SLC27A5: variants seen among roughly 807,000 people sequenced by gnomAD.
SLC27A5 encodes the protein long-chain fatty acid transport protein 5.
Under a neutral mutation model 63.1 loss-of-function variants are expected in SLC27A5, and 47 were observed. That is an observed-to-expected ratio of 0.74 (90% CI 0.59 to 0.95). The LOEUF (loss-of-function observed/expected upper bound fraction) is 0.95, where lower values mean the gene tolerates loss of function less well. SLC27A5 is among the 40% of genes least tolerant of loss of function. The pLI is 0.00. For synonymous variants in SLC27A5, 391 were observed against 403.8 expected (o/e 0.97, Z 0.38); for missense variants, 940 against 921.0 (o/e 1.02, Z -0.27).
In SLC27A5 at chr19:58,498,699, G is replaced by A. The variant is rs772852579; in HGVS notation, c.1897-8C>T. On this transcript the variant is annotated splice_region_variant and splice_polypyrimidine_tract_variant and intron_variant, in intron 9 of 9. Transcript: ENST00000263093. ...GGTGACCTCCATGGCGTCCTGCAGG[G>A]CAGTGACCATGGTCCAATCACTGTG... The A allele has an allele frequency of 6.2e-7, 1 of 1,613,208 alleles. No individual in the cohort carries two copies. The highest frequency in any genetic ancestry group is 1.3e-5 in the African/African-American group (1 of 75,028).
intron 4 of SLC27A5, 23 bp downstream of exon 4, chr19:58,501,263 G>A: frequency 6.2e-7 from 1 of 1,608,578 alleles, no homozygotes; most frequent in Non-Finnish European, 8.5e-7. Context: ...GTTCACCATG[G>A]AGCCCTAATC....
Position 58,500,607 on chromosome 19 carries a change from T to A in SLC27A5, c.1282A>T (p.Ile428Phe). ...TFQQRFGPIRIWEVYGSTEGN... is the reference protein window; with the variant it reads ...TFQQRFGPIRFWEVYGSTEGN... Reference sequence around the variant, plus strand: ...TCTGTGGAGCCGTAGACTTCCCAGATCCGAATAGGACCGAAGCGCTGCTGG... The same window carrying A: ...TCTGTGGAGCCGTAGACTTCCCAGAACCGAATAGGACCGAAGCGCTGCTGG... The change falls in exon 5 of 10, where the codon ATC (isoleucine) becomes TTC (phenylalanine). Residue 428 changes from isoleucine (I) to phenylalanine (F), a missense_variant. Physicochemically the swap from Ile to Phe is conservative, Grantham distance 21. Coordinates refer to ENST00000263093, the MANE Select transcript of SLC27A5 (RefSeq NM_012254.3). 6.2e-7 allele frequency: 1 copy of A among 1,614,048 alleles called. No homozygotes were observed. The highest frequency in any genetic ancestry group is 1.1e-5 in the South Asian group (1 of 91,078).
In SLC27A5 at chr19:58,499,078, C is replaced by A. The variant is rs761352933; in HGVS notation, c.1765+45G>T. The A allele has an allele frequency of 5.6e-6, 9 of 1,609,428 alleles. No individual in the cohort carries two copies. In the African/African-American group the frequency reaches 1.1e-4, roughly 19 times the overall value. ...CTGTAAAATCAGAATAACGACCCCT[C>A]CACCCACAAAGCTGTTGGAAGTTTA... is the stretch of plus-strand genomic sequence containing the variant. On this transcript the variant is annotated intron_variant, in intron 8 of 9. Transcript: ENST00000263093.
At chr19:58,500,204 C>T (rs1303147437) in intron 6 of SLC27A5, 135 bp downstream of exon 6, 11 of 710,602 alleles carry the variant, frequency 1.5e-5, no homozygotes, top group South Asian at 8.5e-5. Context: ...AGGCCACTGG[C>T]TCAGGGTCCA....
chr19:58,510,326 C>A, intron 2 of SLC27A5: 1 of 355,710 alleles, frequency 2.8e-6, no homozygotes, highest in Non-Finnish European at 5.1e-6. Flanking sequence ...GTAATCCCAG[C>A]ATTTTGAGAG....
chr19:58,501,307 C>T lies in SLC27A5; in HGVS notation c.1161G>A (p.Arg387=), dbSNP rs201004329. ...TCACCTGGGGAATGTTACACAAGTA[C>T]CGCAGGAGCTCGCCCACATACAGGA... ...TVILYVGELL[R]YLCNIPQQPE... is the part of the protein sequence containing the mutation. The change falls in exon 4 of 10, where the codon CGG becomes CGA. Residue 387 remains arginine, a synonymous_variant. Coordinates refer to ENST00000263093, the MANE Select transcript of SLC27A5 (RefSeq NM_012254.3). 5.0e-6 allele frequency: 8 copies of T among 1,613,674 alleles called. No homozygotes were observed. The East Asian group carries it at 1.6e-4, about 31-fold the overall frequency.
At position 58,500,574 on chromosome 19, in the gene SLC27A5, T is replaced by C. The variant is rs886044091; in HGVS notation, c.1315A>G (p.Met439Val). The C allele has an allele frequency of 3.7e-6, 6 of 1,613,906 alleles. No homozygotes were observed. In the African/African-American group the frequency reaches 4.0e-5, roughly 11 times the overall value. The change falls in exon 5 of 10, where the codon ATG becomes GTG. Residue 439 changes from methionine (M) to valine (V), a missense_variant. Transcript: ENST00000263093. ...CGCCCCACATAGTTGACTAAGCCCA[T>C]GTTGCCTTCTGTGGAGCCGTAGACT... ...WEVYGSTEGN[M>V]GLVNYVGRCG...
chr19:58,500,436 T>A lies in SLC27A5; in HGVS notation c.1378-7A>T. The A allele has an allele frequency of 6.2e-7, 1 of 1,613,516 alleles. No individual in the cohort carries two copies. The highest frequency in any genetic ancestry group is 8.5e-7 in the Non-Finnish European group (1 of 1,179,924). The stretch of plus-strand genomic sequence containing the variant: ...GCTCAAAGGGGGACAGCATCTGGGG[T>A]GGAGGGTGGAGTGTTGACATAGGTC... On this transcript the variant is annotated splice_region_variant and splice_polypyrimidine_tract_variant and intron_variant, in intron 5 of 9. Coordinates refer to ENST00000263093, the MANE Select transcript of SLC27A5 (RefSeq NM_012254.3).
rs1273007592 is a variant in SLC27A5 at position 58,499,569 on chromosome 19, G to GTAAA, written c.1586_1589dup (p.Tyr531LeufsTer52). 6.2e-7 allele frequency: 1 copy of GTAAA among 1,613,186 alleles called. No homozygotes were observed. The highest frequency in any genetic ancestry group is 1.7e-5 in the Admixed American group (1 of 59,982). The stretch of plus-strand genomic sequence containing the variant: ...TGGCCAGTACGTCCCCGGTGTTGTA[G>GTAAA]TAAACGTCGCCCGATTGCCGCACGT... On this transcript the variant is annotated frameshift_variant, in exon 7 of 10. Coordinates refer to ENST00000263093, the MANE Select transcript of SLC27A5 (RefSeq NM_012254.3). LOFTEE classifies it high-confidence loss of function.
At position 58,504,248 on chromosome 19, in the gene SLC27A5, A is replaced by G. The variant is rs142788291; in HGVS notation, c.1058-2838T>C. On this transcript the variant is annotated intron_variant, in intron 3 of 9. Coordinates refer to ENST00000263093, the MANE Select transcript of SLC27A5 (RefSeq NM_012254.3). ...ATTAATGTTGTTACGTGTAATAATCACTTTGGTTACAGTTTCTTCAGTGCT... is the reference window on the plus strand; with the variant it reads ...ATTAATGTTGTTACGTGTAATAATCGCTTTGGTTACAGTTTCTTCAGTGCT... Among the ~76,000 whole-genome samples, 17 of 152,346 alleles carry G rather than the reference A, an allele frequency of 1.1e-4. No individual in the cohort carries two copies. The East Asian group carries it at 3.3e-3, about 29-fold the overall frequency.
chr19:58,511,658 G>A lies in SLC27A5; in HGVS notation c.298C>T (p.Leu100=). 1 of 1,598,824 alleles carries A rather than the reference G, an allele frequency of 6.3e-7. No homozygotes were observed. Among genetic ancestry groups the A allele is most frequent in the Non-Finnish European group, 8.5e-7 (1 of 1,172,840 alleles). The part of the protein sequence containing the change: ...DVIFLAKILH[L]GLKIRGCLSR... ...AAGCATCCCCTGATCTTCAGGCCCA[G>A]GTGGAGGATCTTGGCCAAGAAGATC... is the stretch of plus-strand genomic sequence containing the variant. The change falls in exon 1 of 10, where the codon CTG becomes TTG. Residue 100 remains leucine (L), a synonymous_variant. Transcript: ENST00000263093.
intron 4 of SLC27A5, chr19:58,500,960 A>G: frequency 7.4e-7 from 1 of 1,355,360 alleles, no homozygotes; most frequent in Non-Finnish European, 9.5e-7. Context: ...TGGAGGCCTC[A>G]TCTGGGGTCT....
intron 3 of SLC27A5, among the ~76,000 whole-genome samples, chr19:58,503,007 C>T (rs1429466619): frequency 1.3e-5 from 2 of 151,804 alleles, no homozygotes; most frequent in African/African-American, 2.4e-5. Context: ...GAGATCAAGA[C>T]CATCCTGGCT....
At chr19:58,500,752 C>T (rs746305153) in intron 4 of SLC27A5, 46 bp from the exon 5 acceptor site, 127 of 1,594,884 alleles carry the variant, frequency 8.0e-5, no homozygotes, top group South Asian at 5.3e-4. Context: ...GCTCTTGGGG[C>T]ATGCCTTGGA....
intron 3 of SLC27A5, among the ~76,000 whole-genome samples, chr19:58,506,204 G>A (rs2053345083): frequency 6.6e-6 from 1 of 151,808 alleles, no homozygotes; most frequent in African/African-American, 2.4e-5. Flanking sequence ...AGGGATTATA[G>A]GCATGAGGAA....
chr19:58,510,245 C>T (rs1360680787), intron 2 of SLC27A5: 3 of 472,610 alleles, frequency 6.3e-6, no homozygotes, highest in Non-Finnish European at 1.1e-5. Context: ...GCATTGACCT[C>T]TCAAATTACA....
chr19:58,510,267 A>C, intron 2 of SLC27A5: 1 of 437,582 alleles, frequency 2.3e-6, no homozygotes. Context: ...TGGGGGTCAG[A>C]GTTCAGGCCA....
At chr19:58,509,694 T>G in intron 3 of SLC27A5, 153 bp downstream of exon 3, 1 of 663,984 alleles carries the variant, frequency 1.5e-6, no homozygotes, top group Non-Finnish European at 2.4e-6. Flanking sequence ...CTTCTGTCCA[T>G]GCGGCCCTGG....
At chr19:58,505,583 C>T (rs1354979258) in intron 3 of SLC27A5, among the ~76,000 whole-genome samples, 1 of 151,670 alleles carries the variant, frequency 6.6e-6, no homozygotes, top group Non-Finnish European at 1.5e-5. Flanking sequence ...GTGGCTCACG[C>T]CTGTAATCCC....
Sources: allele counts gnomAD v4.1 joint callset (sites outside exome capture counted in the v4.1 genomes callset), GRCh38; gene constraint gnomAD v4.1.1; transcripts MANE v1.5; gene names NCBI Gene and HGNC (gene_info 2026-07-23, HGNC 2026-07-21).